Variants in IQCK observed in about 807,000 individuals in gnomAD.
The protein encoded by IQCK is IQ domain-containing protein K.
A neutral mutation model predicts 28.1 loss-of-function variants in IQCK; 29 were observed. The ratio of observed to expected loss-of-function variants is 1.03; its 90% CI spans 0.77 to 1.41. The LOEUF (loss-of-function observed/expected upper bound fraction) is 1.41, where lower values mean the gene tolerates loss of function less well. IQCK is among the 40% of genes most tolerant of loss of function. The pLI, the probability that IQCK is intolerant of heterozygous loss-of-function variation, is 0.00. For synonymous variants in IQCK, 113 were observed against 115.1 expected (o/e 0.98, Z 0.12); for missense variants, 359 against 314.7 (o/e 1.14, Z -1.07).
intron 4 of IQCK, among the ~76,000 whole-genome samples, chr16:19,759,257 G>A (rs1211194734): frequency 6.6e-6 from 1 of 152,048 alleles, no homozygotes; most frequent in Non-Finnish European, 1.5e-5. Flanking sequence ...TGTTGCCCAG[G>A]CTGGAGTGCA....
At position 19,735,454 on chromosome 16, in the gene IQCK, A is replaced by G. The variant is rs1282138384; in HGVS notation, c.474+4A>G. 2.5e-6 allele frequency: 4 copies of G among 1,594,490 alleles called. No homozygotes were observed. The highest frequency in any genetic ancestry group is 3.4e-6 in the Non-Finnish European group (4 of 1,162,110). On this transcript the variant is annotated splice_donor_region_variant and intron_variant, in intron 4 of 7. Transcript: ENST00000564186. ...GAAGAAAGAAAAATGTTTTGAGGTCAGTTGTTTGGCAGGATTTCTTTATTT... is the reference window on the plus strand; with the variant it reads ...GAAGAAAGAAAAATGTTTTGAGGTCGGTTGTTTGGCAGGATTTCTTTATTT...
chr16:19,831,519 A>C (rs573534409), downstream of IQCK, among the ~76,000 whole-genome samples: 7 of 152,292 alleles, frequency 4.6e-5, no homozygotes, highest in African/African-American at 1.7e-4. Context: ...CTCCCCAGCC[A>C]AGGTGACACC....
exon 4 of IQCK, chr16:19,735,439 A>G: frequency 6.2e-7 from 1 of 1,611,358 alleles, no homozygotes; most frequent in Non-Finnish European, 8.5e-7. Context: ...GAAGAAAGAA[A>G]AATGTTTTGA....
chr16:19,736,020 C>G (rs1978002765), intron 4 of IQCK: 1 of 434,590 alleles, frequency 2.3e-6, no homozygotes, highest in Non-Finnish European at 4.6e-6. Context: ...GATCCATGAT[C>G]ACGTCACTGC....
chr16:19,745,397 T>A (rs149261636), intron 4 of IQCK, among the ~76,000 whole-genome samples: 1 of 152,240 alleles, frequency 6.6e-6, no homozygotes, highest in Non-Finnish European at 1.5e-5. Context: ...GGCCAGTATG[T>A]TTGGGGCAGA....
chr16:19,732,448 A>T (rs561129683), intron 2 of IQCK, among the ~76,000 whole-genome samples: 1 of 152,174 alleles, frequency 6.6e-6, no homozygotes, highest in Admixed American at 6.5e-5. Context: ...GTATTTTGGG[A>T]TTGGGCGGTG....
intron 6 of IQCK, among the ~76,000 whole-genome samples, chr16:19,781,472 A>G (rs766720250): frequency 4.1e-4 from 63 of 152,198 alleles, no homozygotes; most frequent in Non-Finnish European, 7.6e-4. Context: ...TGAAGGGGCC[A>G]AAGCAACATC....
At chr16:19,801,373 C>G (rs1176746616) in intron 7 of IQCK, among the ~76,000 whole-genome samples, 1 of 116,494 alleles carries the variant, frequency 8.6e-6, no homozygotes, top group East Asian at 2.3e-4. Context: ...GGCGCAGTCA[C>G]AGCTCACTGC....
At chr16:19,816,964 A>G (rs1186919515) in intron 7 of IQCK, among the ~76,000 whole-genome samples, 3 of 152,178 alleles carry the variant, frequency 2.0e-5, no homozygotes, top group Non-Finnish European at 4.4e-5. Context: ...GAACCTGCCC[A>G]AGGCTCCTTA....
intron 4 of IQCK, among the ~76,000 whole-genome samples, chr16:19,741,636 A>G (rs1044519482): frequency 6.6e-6 from 1 of 152,222 alleles, no homozygotes; most frequent in South Asian, 2.1e-4. Flanking sequence ...ACAGAGCATT[A>G]AAGTTTAAAT....
chr16:19,773,611 G>C (rs1337046941), intron 6 of IQCK, among the ~76,000 whole-genome samples: 1 of 152,188 alleles, frequency 6.6e-6, no homozygotes, highest in African/African-American at 2.4e-5. Flanking sequence ...CTCCCCAGCT[G>C]TGTCATGAAA....
intron 4 of IQCK, among the ~76,000 whole-genome samples, chr16:19,750,470 G>GT (rs146214291): frequency 0.055 from 7,745 of 141,298 alleles, 647 homozygotes; most frequent in African/African-American, 0.18. Flanking sequence ...GTTTGTTTTT[G>GT]TTTTTTTTTG....
intron 4 of IQCK, among the ~76,000 whole-genome samples, chr16:19,759,312 G>A (rs1343305961): frequency 1.3e-5 from 2 of 152,080 alleles, no homozygotes; most frequent in African/African-American, 2.4e-5. Flanking sequence ...AGGTTCAAGC[G>A]ATTCTCCTCT....
chr16:19,851,582 A>T lies in IQCK; in HGVS notation c.803-4905A>T, dbSNP rs753365262. Among the ~76,000 whole-genome samples the T allele has an allele frequency of 3.9e-5, 6 of 152,054 alleles. No homozygotes were observed. In the South Asian group the frequency reaches 1.0e-3, roughly 26 times the overall value. ...GGATAAGGGCGACCACGAGGAGAAG[A>T]TGTACTGAGTCTTATTAGTATGCAA... On this transcript the variant is annotated intron_variant, in intron 9 of 9. Transcript: ENST00000320394.
At chr16:19,728,515 G>A (rs1977730267) in intron 1 of IQCK, among the ~76,000 whole-genome samples, 1 of 152,134 alleles carries the variant, frequency 6.6e-6, no homozygotes, top group Non-Finnish European at 1.5e-5. Context: ...CTCGTAAAGT[G>A]CTGGGATTAC....
chr16:19,839,113 T>A (rs997949861), intron 9 of IQCK, among the ~76,000 whole-genome samples: 1 of 150,998 alleles, frequency 6.6e-6, no homozygotes, highest in Non-Finnish European at 1.5e-5. Flanking sequence ...TCACCTTTGG[T>A]CACACAGCTT....
rs993028690 is a variant in IQCK, at chr16:19,825,318, C to T, written c.691-1708C>T. Among the ~76,000 whole-genome samples the T allele has an allele frequency of 2.0e-5, 3 of 151,798 alleles. No individual in the cohort carries two copies. The highest frequency in any genetic ancestry group is 7.3e-5 in the African/African-American group (3 of 41,276). On this transcript the variant is annotated intron_variant, in intron 7 of 7. Coordinates refer to ENST00000564186, the Ensembl canonical transcript of IQCK. This position sits in a 1 kb window ranked among gnomAD's most constrained non-coding sequence, Gnocchi z 4.2. ...GATGGTTCACTTGAGGTCAGGAGTT[C>T]GAGACCAGCCTGACCAACATGGTAA...
At chr16:19,801,296 CTCTCTCTTTTTTT>C (rs1327290456) in intron 7 of IQCK, among the ~76,000 whole-genome samples, 1 of 109,938 alleles carries the variant, frequency 9.1e-6, no homozygotes, top group Admixed American at 7.9e-5. Context: ...CTCTCTCTCT[CTCTCTCTTTTTTT>C]TTTTTTTTTA....
chr16:19,721,704 G>C (rs1186514579), intron 1 of IQCK, among the ~76,000 whole-genome samples: 3 of 151,354 alleles, frequency 2.0e-5, no homozygotes, highest in Non-Finnish European at 4.4e-5. Context: ...TCCTGCTTCA[G>C]CCTCCCAAAT....
Sources: gnomAD v4.1 joint callset for allele counts (sites outside exome capture counted in the v4.1 genomes callset) on GRCh38, gnomAD v4.1.1 for gene constraint, Gnocchi (gnomAD v3.1) non-coding constraint, MANE v1.5 for transcripts, NCBI Gene and HGNC (gene_info 2026-07-23, HGNC 2026-07-21) for gene names.